Variants in DLX2 observed in about 807,000 individuals in gnomAD.
DLX2 encodes the protein homeobox protein DLX-2.
A neutral mutation model predicts 27.4 loss-of-function variants in DLX2; 8 were observed. That is an observed-to-expected ratio of 0.29 (90% CI 0.17 to 0.53). The LOEUF is 0.53. DLX2 is among the 20% of genes least tolerant of loss of function. The pLI is 0.96. For missense variants in DLX2, 421 were observed against 450.9 expected (o/e 0.93, Z 0.60); for synonymous variants, 210 against 200.8 (o/e 1.05, Z -0.39).
At chr2:172,101,698 C>G in intron 1 of DLX2, 52 bp from the exon 2 acceptor site, 2 of 1,578,578 alleles carry the variant, frequency 1.3e-6, no homozygotes, top group South Asian at 2.4e-5. Flanking sequence ...TCCTGGAGTT[C>G]CCGCCCTCCT....
At chr2:172,101,176 A>G (rs1691150089) in intron 2 of DLX2, 1 of 615,682 alleles carries the variant, frequency 1.6e-6, no homozygotes. Context: ...CACTGTGATG[A>G]TGGTGACAGC....
chr2:172,101,720 C>CG (rs1007993070), intron 1 of DLX2, 74 bp from the exon 2 acceptor site: 44 of 1,491,322 alleles, frequency 3.0e-5, no homozygotes, highest in Middle Eastern at 2.2e-4. Flanking sequence ...GAGGGCCCGG[C>CG]GGGGGGGACT....
In DLX2 at chr2:172,100,651, C is replaced by T; in HGVS notation, c.879G>A (p.Leu293=). The stretch of plus-strand genomic sequence containing the variant: ...GGTGCAGCAGCGGCGCCGTGGCCTG[C>T]AGGTGTGAGGCGGATCCCGAGGTCT... The part of the protein sequence containing the change: ...YHQTSGSASH[L]QATAPLLHPT... The change falls in exon 3 of 3, where the codon CTG becomes CTA. Residue 293 remains leucine (L), a synonymous_variant. Transcript: ENST00000234198. This position sits in a 1 kb window ranked among gnomAD's most constrained non-coding sequence, Gnocchi z 4.5. 6.4e-7 allele frequency: 1 copy of T among 1,564,310 alleles called. No individual in the cohort carries two copies. The highest frequency in any genetic ancestry group is 8.6e-7 in the Non-Finnish European group (1 of 1,161,534).
Sources: allele counts gnomAD v4.1 joint callset, GRCh38; gene constraint gnomAD v4.1.1; non-coding constraint Gnocchi (gnomAD v3.1); transcripts MANE v1.5; gene names NCBI Gene and HGNC (gene_info 2026-07-23, HGNC 2026-07-21).